The following PACS1 variants were observed in gnomAD, a reference collection of about 807,000 sequenced individuals.
PACS1 encodes the protein phosphofurin acidic cluster sorting protein 1.
PACS1 carries 24 observed loss-of-function variants against 115.0 expected under a neutral mutation model. The ratio of observed to expected loss-of-function variants is 0.21; its 90% CI spans 0.15 to 0.29. The LOEUF (loss-of-function observed/expected upper bound fraction) is 0.29. Ranked by LOEUF, PACS1 falls within the 10% of genes least tolerant of loss-of-function variation. The pLI is 1.00. For missense variants in PACS1, 838 were observed against 1,251.2 expected (o/e 0.67, Z 4.98); for synonymous variants, 453 against 504.5 (o/e 0.90, Z 1.37).
At chr11:66,220,577 C>T in intron 8 of PACS1, 54 bp from the exon 9 acceptor site, 3 of 1,600,408 alleles carry the variant, frequency 1.9e-6, no homozygotes, top group Non-Finnish European at 2.6e-6. Flanking sequence ...TGCTCATCAA[C>T]CAAAATTGTT....
At chr11:66,161,023 G>A (rs1590788001) in intron 1 of PACS1, among the ~76,000 whole-genome samples, 1 of 152,104 alleles carries the variant, frequency 6.6e-6, no homozygotes, top group Non-Finnish European at 1.5e-5. Context: ...GTAAGATGTG[G>A]CTAATAGTAC....
In PACS1 at chr11:66,170,661, G is replaced by A. The variant is rs139118707; in HGVS notation, c.357-22825G>A. ...GAAATTTATTGGTAAAGGCTGGGTGGGCATGGTAACTCATGCCTGTAATCC... is the reference window on the plus strand; with the variant it reads ...GAAATTTATTGGTAAAGGCTGGGTGAGCATGGTAACTCATGCCTGTAATCC... On this transcript the variant is annotated intron_variant, in intron 1 of 23. Transcript: ENST00000320580. Among the ~76,000 whole-genome samples, 240 of 149,528 alleles carry A rather than the reference G, an allele frequency of 1.6e-3. 17 individuals carry two copies. Among genetic ancestry groups the A allele is most frequent in the African/African-American group, 6.0e-3 (234 of 39,190 alleles).
chr11:66,188,310 G>A (rs1367538633), intron 1 of PACS1, among the ~76,000 whole-genome samples: 9 of 151,878 alleles, frequency 5.9e-5, no homozygotes, highest in Non-Finnish European at 8.8e-5. Flanking sequence ...AGCTTTGAAC[G>A]TTCTTGTACC....
At chr11:66,118,924 C>T (rs1240127522) in intron 1 of PACS1, among the ~76,000 whole-genome samples, 2 of 152,046 alleles carry the variant, frequency 1.3e-5, no homozygotes, top group East Asian at 1.9e-4. Flanking sequence ...GCCCTTGTGA[C>T]TGGGGAGATA....
chr11:66,231,362 C>A (rs1019789645), intron 13 of PACS1, among the ~76,000 whole-genome samples: 1 of 152,192 alleles, frequency 6.6e-6, no homozygotes, highest in African/African-American at 2.4e-5. Flanking sequence ...GGGCGGTCAT[C>A]GTGCTTTCAA....
intron 1 of PACS1, among the ~76,000 whole-genome samples, chr11:66,102,568 G>C (rs1198802092): frequency 6.6e-6 from 1 of 151,626 alleles, no homozygotes; most frequent in Non-Finnish European, 1.5e-5. Context: ...CAAGTGATCT[G>C]TCTACCTTGG....
rs1855642233 is a variant in PACS1 at position 66,233,508 on chromosome 11, CA to C, written c.1839-276del. ...GAACTATGGATTCCAGGCCTGGGGG[CA>C]CACACCCTGCGGGCATCCCAGGCAC... On this transcript the variant is annotated intron_variant, in intron 15 of 23. Transcript: ENST00000320580. This position sits in a 1 kb window ranked among gnomAD's most constrained non-coding sequence, Gnocchi z 4.5. 6.6e-6 allele frequency among the ~76,000 whole-genome samples: 1 copy of C among 152,230 alleles called. No homozygotes were observed. Among genetic ancestry groups the C allele is most frequent in the African/African-American group, 2.4e-5 (1 of 41,462 alleles).
intron 1 of PACS1, among the ~76,000 whole-genome samples, chr11:66,173,218 C>T: frequency 6.6e-6 from 1 of 151,700 alleles, no homozygotes. Context: ...CAGGCATAAG[C>T]CACCACATCC....
At chr11:66,126,943 A>C (rs1858589765) in intron 1 of PACS1, among the ~76,000 whole-genome samples, 2 of 152,116 alleles carry the variant, frequency 1.3e-5, no homozygotes, top group Admixed American at 6.5e-5. Flanking sequence ...TCAAAGCAGG[A>C]AGAAGGGGAG....
chr11:66,242,576 G>A (rs1855836742), intron 22 of PACS1, among the ~76,000 whole-genome samples: 1 of 152,228 alleles, frequency 6.6e-6, no homozygotes. Flanking sequence ...CATAGAGCAT[G>A]CGCCTGATAG....
At chr11:66,150,110 C>CAT (rs1045428425) in intron 1 of PACS1, among the ~76,000 whole-genome samples, 8 of 152,166 alleles carry the variant, frequency 5.3e-5, no homozygotes. Flanking sequence ...CTATTCCTAT[C>CAT]ATATAGTGCT....
chr11:66,200,435 AATAAAG>A (rs1854759985), intron 2 of PACS1, among the ~76,000 whole-genome samples: 2 of 152,196 alleles, frequency 1.3e-5, no homozygotes, highest in South Asian at 4.1e-4. Context: ...AGAGACTAAA[AATAAAG>A]GGTTGGAAAA....
chr11:66,128,574 A>C lies in PACS1; in HGVS notation c.356+57732A>C, dbSNP rs377631707. The stretch of plus-strand genomic sequence containing the variant: ...GTATATGTTTGAAAATTTTAGAATT[A>C]AATTTTAAAATTTAACAAGTGAGTG... On this transcript the variant is annotated intron_variant, in intron 1 of 23. Transcript: ENST00000320580. Among the ~76,000 whole-genome samples, 17 of 152,120 alleles carry C rather than the reference A, an allele frequency of 1.1e-4. No homozygotes were observed. The South Asian group carries it at 3.3e-3, about 30-fold the overall frequency.
intron 1 of PACS1, among the ~76,000 whole-genome samples, chr11:66,161,662 A>G (rs1364852764): frequency 1.3e-5 from 2 of 152,242 alleles, no homozygotes; most frequent in African/African-American, 2.4e-5. Flanking sequence ...TAATAAAAAA[A>G]GATCCTATTA....
At chr11:66,096,147 G>A (rs963434559) in intron 1 of PACS1, among the ~76,000 whole-genome samples, 4 of 150,688 alleles carry the variant, frequency 2.7e-5, no homozygotes, top group Admixed American at 2.6e-4. Context: ...TGCCCAGGCT[G>A]GTCTTGAACT....
chr11:66,197,226 A>G (rs778518577), intron 2 of PACS1, among the ~76,000 whole-genome samples: 26 of 152,166 alleles, frequency 1.7e-4, no homozygotes, highest in Non-Finnish European at 2.5e-4. Flanking sequence ...TACCCCACCC[A>G]GCTTCTCCCA....
At chr11:66,101,620 T>G (rs943609894) in intron 1 of PACS1, among the ~76,000 whole-genome samples, 3 of 152,206 alleles carry the variant, frequency 2.0e-5, no homozygotes, top group Non-Finnish European at 2.9e-5. Context: ...TCCTGGGGTC[T>G]TCAACCTGAT....
Position 66,235,941 on chromosome 11 carries a change from G to A in PACS1, c.2250+1G>A, listed in dbSNP as rs1855695158. The A allele has an allele frequency of 6.2e-7, 1 of 1,613,464 alleles. No homozygotes were observed. The highest frequency in any genetic ancestry group is 8.5e-7 in the Non-Finnish European group (1 of 1,179,420). On this transcript the variant is annotated splice_donor_variant, in intron 19 of 23. Transcript: ENST00000320580. LOFTEE classifies it high-confidence loss of function. The surrounding 1 kb of genome is among the most constrained non-coding windows in gnomAD (Gnocchi z 5.6). ...TCAGAAGTTTATTCCCTTCATTGGC[G>A]TGAGTACTGACTCCCTCTGCTTGGC...
In PACS1 at chr11:66,070,816, C is replaced by T; in HGVS notation, c.330C>T (p.Asp110=). The T allele has an allele frequency of 6.7e-7, 1 of 1,498,824 alleles. No homozygotes were observed. The highest frequency in any genetic ancestry group is 8.8e-7 in the Non-Finnish European group (1 of 1,130,454). 92.8% of individuals were successfully genotyped at this position (1,498,824 alleles called of 1,614,324 possible). A position where few individuals can be genotyped will look rare whatever the true frequency, so the allele number is the denominator to read the frequency against. Residue 110 remains aspartate (D), a synonymous_variant, in exon 1 of 24, where the codon GAC becomes GAT. Coordinates refer to ENST00000320580, the MANE Select transcript of PACS1 (RefSeq NM_018026.4). The surrounding 1 kb of genome is among the most constrained non-coding windows in gnomAD (Gnocchi z 5.9). ...ACCTGTACGCCACCTGGGAGGTGGA[C>T]CGGAGCTCGTCCAGCTGCGTGCCTA... The part of the protein sequence containing the change: ...QMNLYATWEV[D]RSSSSCVPRL...
Sources: allele counts gnomAD v4.1 joint callset (sites outside exome capture counted in the v4.1 genomes callset), GRCh38; gene constraint gnomAD v4.1.1; non-coding constraint Gnocchi (gnomAD v3.1); transcripts MANE v1.5; gene names NCBI Gene and HGNC (gene_info 2026-07-23, HGNC 2026-07-21).